Variants in ZNF285 observed in about 807,000 individuals in gnomAD.
The protein encoded by ZNF285 is zinc finger protein 285.
In ZNF285, 4 loss-of-function variants were observed where a neutral mutation model predicts 6.2. The ratio of observed to expected loss-of-function variants is 0.65; its 90% CI spans 0.32 to 1.49. The LOEUF is 1.49. ZNF285 is among the 40% of genes most tolerant of loss of function. The pLI is 0.07. For missense variants in ZNF285, 695 were observed against 708.8 expected, an observed-to-expected ratio of 0.98 and a Z score of 0.22; for synonymous variants, 240 against 245.8, an observed-to-expected ratio of 0.98 and a Z score of 0.22.
intron 3 of ZNF285, among the ~76,000 whole-genome samples, chr19:44,389,664 G>C (rs949569255): frequency 1.3e-5 from 2 of 151,446 alleles, no homozygotes; most frequent in Non-Finnish European, 1.5e-5. Context: ...TAAGATTTAG[G>C]GTACACGTGC....
intron 1 of ZNF285, among the ~76,000 whole-genome samples, chr19:44,400,425 C>G (rs1971355834): frequency 6.6e-6 from 1 of 152,070 alleles, no homozygotes; most frequent in Admixed American, 6.6e-5. Flanking sequence ...CTAACTTTAT[C>G]AAATATACAG....
At chr19:44,401,076 T>A (rs1971367463) in intron 1 of ZNF285, among the ~76,000 whole-genome samples, 1 of 151,998 alleles carries the variant, frequency 6.6e-6, no homozygotes, top group African/African-American at 2.4e-5. Flanking sequence ...CTAGGGGTGC[T>A]GAGCCAGAAT....
Position 44,386,485 on chromosome 19 carries a change from C to G in ZNF285, c.1760G>C (p.Arg587Thr). Reference protein sequence around the residue: ...LLTHQRLHEQRETL With the variant: ...LLTHQRLHEQTETL ...GACTTACTACATTTATAATGTTTCTCTCTGCTCATGTAGTCTTTGATGAGT... is the reference window on the plus strand; with the variant it reads ...GACTTACTACATTTATAATGTTTCTGTCTGCTCATGTAGTCTTTGATGAGT... Residue 587 changes from arginine to threonine, a missense_variant, in exon 4 of 4, where the codon AGA (arginine) becomes ACA (threonine). Physicochemically the swap from Arg to Thr is moderately conservative, Grantham distance 71 (BLOSUM62 -1). Transcript: ENST00000614994. 6.2e-7 allele frequency: 1 copy of G among 1,610,552 alleles called. No homozygotes were observed. The highest frequency in any genetic ancestry group is 1.3e-5 in the African/African-American group (1 of 74,936).
intron 2 of ZNF285, among the ~76,000 whole-genome samples, chr19:44,393,766 G>T (rs1971235567): frequency 6.6e-6 from 1 of 152,136 alleles, no homozygotes; most frequent in Non-Finnish European, 1.5e-5. Flanking sequence ...AACAACAGGT[G>T]CTGGAGAGGA....
Position 44,382,955 on chromosome 19 carries a change from C to T in ZNF285, c.*3517G>A. On this transcript the variant is annotated 3_prime_UTR_variant, in exon 4 of 4. Coordinates refer to ENST00000614994, the MANE Select transcript of ZNF285 (RefSeq NM_152354.6). ...TGGGAGTCTGAGGCCCCAGATAGCTCCTCACCTAGGCATCCCAAAGGGAAC... is the reference window on the plus strand; with the variant it reads ...TGGGAGTCTGAGGCCCCAGATAGCTTCTCACCTAGGCATCCCAAAGGGAAC... 1 of 152,142 alleles carries T rather than the reference C, an allele frequency of 6.6e-6. No individual in the cohort carries two copies. The highest frequency in any genetic ancestry group is 1.9e-4 in the East Asian group (1 of 5,180). The allele number at this position is 152,142 out of a possible 1,614,324, so 9.4% of individuals were successfully genotyped here. A position where few individuals can be genotyped will look rare whatever the true frequency, so the allele number is the denominator to read the frequency against.
chr19:44,395,695 C>T (rs926643737), intron 2 of ZNF285, among the ~76,000 whole-genome samples: 1 of 152,098 alleles, frequency 6.6e-6, no homozygotes, highest in African/African-American at 2.4e-5. Flanking sequence ...CTCTCCAATC[C>T]CACTAAAGGA....
In ZNF285 at chr19:44,386,787, A is replaced by G. The variant is rs763102481; in HGVS notation, c.1458T>C (p.Cys486=). 26 of 1,614,084 alleles carry G rather than the reference A, an allele frequency of 1.6e-5. No homozygotes were observed. The highest frequency in any genetic ancestry group is 1.3e-4 in the East Asian group (6 of 44,902). The part of the protein sequence containing the change: ...RVHTGEKPYK[C]EVCGKCFSYS... ...AACTGAAGCACTTTCCACACACTTCACATTTATATGGTTTTTCTCCAGTGT... is the reference window on the plus strand; with the variant it reads ...AACTGAAGCACTTTCCACACACTTCGCATTTATATGGTTTTTCTCCAGTGT... Residue 486 remains cysteine (C), a synonymous_variant, in exon 4 of 4, where the codon TGT becomes TGC. Coordinates refer to ENST00000614994, the MANE Select transcript of ZNF285 (RefSeq NM_152354.6).
intron 2 of ZNF285, 89 bp from the exon 3 acceptor site, chr19:44,392,555 T>A (rs1481426708): frequency 1.2e-6 from 2 of 1,611,100 alleles, no homozygotes; most frequent in Non-Finnish European, 1.7e-6. Flanking sequence ...CACCACAGTC[T>A]GATTAGATTA....
chr19:44,396,874 C>T (rs542363508), intron 2 of ZNF285: 42 of 330,322 alleles, frequency 1.3e-4, no homozygotes, highest in Middle Eastern at 9.0e-4. Context: ...TCGGATGCTG[C>T]GGCAACACCA....
At chr19:44,397,358 A>G (rs372498177) in intron 1 of ZNF285, 102 bp from the exon 2 acceptor site, 2 of 1,365,944 alleles carry the variant, frequency 1.5e-6, no homozygotes, top group Admixed American at 1.8e-5. Flanking sequence ...TTCTCCTCTC[A>G]CTGGATATCA....
At position 44,383,147 on chromosome 19, in the gene ZNF285, T is replaced by G. The variant is rs1185419186; in HGVS notation, c.*3325A>C. On this transcript the variant is annotated 3_prime_UTR_variant, in exon 4 of 4. Coordinates refer to ENST00000614994, the MANE Select transcript of ZNF285 (RefSeq NM_152354.6). ...TTGACCCGATAATTTTAAAACAGCCTTCAATTGGTCAAATTTTACAGGTGG... is the reference window on the plus strand; with the variant it reads ...TTGACCCGATAATTTTAAAACAGCCGTCAATTGGTCAAATTTTACAGGTGG... The G allele has an allele frequency of 1.3e-5, 2 of 152,228 alleles. No individual in the cohort carries two copies. Among genetic ancestry groups the G allele is most frequent in the Non-Finnish European group, 2.9e-5 (2 of 68,042 alleles). 9.4% of individuals were successfully genotyped at this position (152,228 alleles called of 1,614,324 possible).
chr19:44,398,222 T>C (rs1179178819), intron 1 of ZNF285, among the ~76,000 whole-genome samples: 1 of 152,152 alleles, frequency 6.6e-6, no homozygotes, highest in Non-Finnish European at 1.5e-5. Context: ...TATACTGAAC[T>C]ACACATGTTC....
chr19:44,401,152 GC>G (rs1217292493), intron 1 of ZNF285, among the ~76,000 whole-genome samples: 7 of 152,060 alleles, frequency 4.6e-5, no homozygotes, highest in African/African-American at 1.7e-4. Context: ...AGCTGCTTAA[GC>G]AAATCCCTCA....
Position 44,387,444 on chromosome 19 carries a change from C to A in ZNF285, c.801G>T (p.Lys267Asn). 1 of 1,614,120 alleles carries A rather than the reference C, an allele frequency of 6.2e-7. No homozygotes were observed. The highest frequency in any genetic ancestry group is 1.1e-5 in the South Asian group (1 of 91,082). ...EKSYKCDQYG[K>N]NFSQSQDLIV... The stretch of plus-strand genomic sequence containing the variant: ...TAAGATCTTGGCTCTGACTAAAGTT[C>A]TTTCCATACTGGTCACATTTATAAG... Residue 267 changes from lysine (K) to asparagine (N), a missense_variant, in exon 4 of 4, where the codon AAG becomes AAT. Lys to Asn is a moderately conservative substitution (Grantham distance 94). Transcript: ENST00000614994.
chr19:44,384,965 C>G lies in ZNF285; in HGVS notation c.*1507G>C, dbSNP rs1971046066. 1 of 144,852 alleles carries G rather than the reference C, an allele frequency of 6.9e-6. No individual in the cohort carries two copies. The highest frequency in any genetic ancestry group is 1.5e-5 in the Non-Finnish European group (1 of 67,156). The allele number at this position is 144,852 out of a possible 1,614,324, so 9.0% of individuals were successfully genotyped here. On this transcript the variant is annotated 3_prime_UTR_variant, in exon 4 of 4. Transcript: ENST00000614994. ...CGAGCAATGATCAGGCCACTGCACT[C>G]CAGCCACCTGGGTGACACAGCAAGA...
rs1971033103 is a variant in ZNF285, at chr19:44,383,722, T to C, written c.*2750A>G. The C allele has an allele frequency of 6.6e-6, 1 of 152,198 alleles. No individual in the cohort carries two copies. Among genetic ancestry groups the C allele is most frequent in the Non-Finnish European group, 1.5e-5 (1 of 68,034 alleles). 9.4% of individuals were successfully genotyped at this position (152,198 alleles called of 1,614,324 possible). A position where few individuals can be genotyped will look rare whatever the true frequency, so the allele number is the denominator to read the frequency against. The stretch of plus-strand genomic sequence containing the variant: ...GATAAATTATACATGAGCGAGTCTG[T>C]TACGCTTTTATCAAATCATTGGATT... On this transcript the variant is annotated 3_prime_UTR_variant, in exon 4 of 4. Transcript: ENST00000614994.
At position 44,386,782 on chromosome 19, in the gene ZNF285, A is replaced by T. The variant is rs568314396; in HGVS notation, c.1463T>A (p.Val488Glu). 6.2e-7 allele frequency: 1 copy of T among 1,614,182 alleles called. No individual in the cohort carries two copies. The highest frequency in any genetic ancestry group is 1.3e-5 in the African/African-American group (1 of 75,050). Reference sequence around the variant, plus strand: ...ACTGTAACTGAAGCACTTTCCACACACTTCACATTTATATGGTTTTTCTCC... The same window carrying T: ...ACTGTAACTGAAGCACTTTCCACACTCTTCACATTTATATGGTTTTTCTCC... ...HTGEKPYKCE[V>E]CGKCFSYSSY... The change falls in exon 4 of 4, where the codon GTG becomes GAG. Residue 488 changes from valine to glutamate, a missense_variant. By Grantham distance (121) the Val-to-Glu change is moderately radical (BLOSUM62 -2). Coordinates refer to ENST00000614994, the MANE Select transcript of ZNF285 (RefSeq NM_152354.6).
In ZNF285 at chr19:44,396,400, C is replaced by T. The variant is rs530043759; in HGVS notation, c.15+799G>A. On this transcript the variant is annotated intron_variant, in intron 2 of 3. Coordinates refer to ENST00000614994, the MANE Select transcript of ZNF285 (RefSeq NM_152354.6). ...TGTGATGGTCTTTCTAATGTGTCAA[C>T]TTGGCTAAGCTACAGTCCTCAGTTA... 4.8e-4 allele frequency among the ~76,000 whole-genome samples: 73 copies of T among 152,240 alleles called. 1 individual carries two copies. The highest frequency in any genetic ancestry group is 3.4e-3 in the Middle Eastern group (1 of 294).
chr19:44,400,535 T>G (rs1156765307), intron 1 of ZNF285, among the ~76,000 whole-genome samples: 1 of 152,134 alleles, frequency 6.6e-6, no homozygotes, highest in African/African-American at 2.4e-5. Flanking sequence ...GCTCACAGCA[T>G]GTGAGGTGAG....
Sources: gnomAD v4.1 joint callset for allele counts (sites outside exome capture counted in the v4.1 genomes callset) on GRCh38, gnomAD v4.1.1 for gene constraint, MANE v1.5 for transcripts, NCBI Gene and HGNC (gene_info 2026-07-23, HGNC 2026-07-21) for gene names.